Variants in PCDHA1 observed in about 807,000 individuals in gnomAD.
The protein encoded by PCDHA1 is protocadherin alpha 1, also known as protocadherin alpha-1.
In PCDHA1, 42 loss-of-function variants were observed where a neutral mutation model predicts 61.3. That is an observed-to-expected ratio of 0.69 (90% CI 0.54 to 0.89). The LOEUF is 0.89. Among genes scored for constraint, PCDHA1 ranks in the 40% least tolerant of loss-of-function variants. The pLI, the probability that PCDHA1 is intolerant of heterozygous loss-of-function variation, is 0.00. For synonymous variants in PCDHA1, 610 were observed against 553.8 expected (o/e 1.10, Z -1.43); for missense variants, 1,256 against 1,235.3 (o/e 1.02, Z -0.25).
intron 1 of PCDHA1, among the ~76,000 whole-genome samples, chr5:140,918,108 A>G (rs1283760333): frequency 2.6e-5 from 4 of 152,166 alleles, no homozygotes; most frequent in Non-Finnish European, 5.9e-5. Context: ...GATCTTTCAC[A>G]TCCTTGATTA....
intron 1 of PCDHA1, chr5:140,857,969 T>A: frequency 6.3e-7 from 1 of 1,596,804 alleles, no homozygotes; most frequent in Non-Finnish European, 8.6e-7. Context: ...TGAGACTGAC[T>A]CGCCACGCCA....
chr5:140,799,254 G>A (rs1762407193), intron 1 of PCDHA1, among the ~76,000 whole-genome samples: 1 of 151,980 alleles, frequency 6.6e-6, no homozygotes, highest in South Asian at 2.1e-4. Flanking sequence ...TAATCAGTAT[G>A]GAGTCTACTC....
intron 1 of PCDHA1, chr5:140,828,073 A>T: frequency 2.6e-6 from 4 of 1,567,184 alleles, no homozygotes; most frequent in Non-Finnish European, 3.5e-6. Context: ...TAATGGAAAT[A>T]AAACCAGAGG....
At position 140,884,782 on chromosome 5, in the gene PCDHA1, A is replaced by T. The variant is rs2060354278; in HGVS notation, c.2395-94167A>T. ...TCTTTACTTTAATTTTAATTTTGCTAGTTGTTATCGAATTTAACAACTCTG... is the reference window on the plus strand; with the variant it reads ...TCTTTACTTTAATTTTAATTTTGCTTGTTGTTATCGAATTTAACAACTCTG... On this transcript the variant is annotated intron_variant, in intron 1 of 3. Coordinates refer to ENST00000504120, the MANE Select transcript of PCDHA1 (RefSeq NM_018900.4). 8 of 1,395,472 alleles carry T rather than the reference A, an allele frequency of 5.7e-6. 1 individual carries two copies. The highest frequency in any genetic ancestry group is 3.3e-5 in the South Asian group (2 of 60,762). 86.4% of individuals were successfully genotyped at this position (1,395,472 alleles called of 1,614,324 possible). A position where few individuals can be genotyped will look rare whatever the true frequency, so the allele number is the denominator to read the frequency against.
chr5:140,822,724 A>G (rs1767410932), intron 1 of PCDHA1: 1 of 1,612,750 alleles, frequency 6.2e-7, no homozygotes, highest in Non-Finnish European at 8.5e-7. Flanking sequence ...CTCATATGAA[A>G]TTAATATTGA....
At chr5:140,856,737 T>C (rs369958206) in intron 1 of PCDHA1, 7 of 1,595,910 alleles carry the variant, frequency 4.4e-6, no homozygotes, top group African/African-American at 1.3e-5. Context: ...CTGCTGATCC[T>C]GGTGTTAGAT....
intron 1 of PCDHA1, chr5:140,875,968 T>C (rs1554168125): frequency 2.5e-6 from 4 of 1,614,024 alleles, no homozygotes; most frequent in Non-Finnish European, 3.4e-6. Flanking sequence ...CGGCGTAAAC[T>C]CTCTTTTGAC....
At chr5:140,848,371 A>C in intron 1 of PCDHA1, 2 of 1,131,148 alleles carry the variant, frequency 1.8e-6, no homozygotes, top group South Asian at 3.0e-5. Context: ...AAAGAGGCTC[A>C]ATTCTTTTTC....
chr5:141,004,037 G>A (rs946974688), intron 3 of PCDHA1, among the ~76,000 whole-genome samples: 1 of 152,200 alleles, frequency 6.6e-6, no homozygotes, highest in African/African-American at 2.4e-5. Flanking sequence ...TTCCTTGATT[G>A]ATCATTTGCT....
chr5:140,915,684 G>T (rs576904848), intron 1 of PCDHA1, among the ~76,000 whole-genome samples: 5 of 151,572 alleles, frequency 3.3e-5, no homozygotes, highest in South Asian at 4.2e-4. Context: ...TGAACTAGGG[G>T]TATGGTGATG....
At chr5:140,884,166 C>A in intron 1 of PCDHA1, 1 of 1,613,430 alleles carries the variant, frequency 6.2e-7, no homozygotes, top group Non-Finnish European at 8.5e-7. Context: ...GAGATCAGCA[C>A]GACGCGCCCT....
At chr5:140,860,793 A>G (rs1012928413) in intron 1 of PCDHA1, 3 of 152,166 alleles carry the variant, frequency 2.0e-5, no homozygotes, top group Non-Finnish European at 4.4e-5. Context: ...GCTGGAGTGC[A>G]GTGGCACGAT....
intron 1 of PCDHA1, chr5:140,829,740 C>G: frequency 6.2e-7 from 1 of 1,613,670 alleles, no homozygotes; most frequent in Non-Finnish European, 8.5e-7. Context: ...AGCAACGTGA[C>G]GCTGCAGGTG....
At chr5:140,808,045 G>A (rs150161354) in intron 1 of PCDHA1, 13 of 1,613,670 alleles carry the variant, frequency 8.1e-6, no homozygotes, top group African/African-American at 2.7e-5. Flanking sequence ...ATGATATTTC[G>A]CCAAATGTGA....
intron 1 of PCDHA1, chr5:140,795,928 G>T: frequency 1.2e-6 from 2 of 1,613,978 alleles, no homozygotes; most frequent in Non-Finnish European, 1.7e-6. Flanking sequence ...TCAGGTCACT[G>T]CAACTGACAA....
intron 1 of PCDHA1, chr5:140,883,991 G>C: frequency 6.2e-7 from 1 of 1,612,972 alleles, no homozygotes; most frequent in South Asian, 1.1e-5. Flanking sequence ...CAGCGCGGGA[G>C]GCACAGTGAG....
Position 140,787,328 on chromosome 5 carries a change from T to G in PCDHA1, c.1038T>G (p.Asn346Lys). 6.2e-7 allele frequency: 1 copy of G among 1,614,192 alleles called. No homozygotes were observed. The highest frequency in any genetic ancestry group is 8.5e-7 in the Non-Finnish European group (1 of 1,180,010). The change falls in exon 1 of 4, where the codon AAT becomes AAG. Residue 346 changes from asparagine (N) to lysine (K), a missense_variant. Asn to Lys is a moderately conservative substitution (Grantham distance 94, BLOSUM62 0). Transcript: ENST00000504120. ...VLVKVLDVND[N>K]APELAVTSLY... is the part of the protein sequence containing the mutation. ...TGAAAGTGCTGGATGTAAATGATAA[T>G]GCTCCAGAACTGGCGGTCACTTCAT... is the stretch of plus-strand genomic sequence containing the variant.
intron 1 of PCDHA1, among the ~76,000 whole-genome samples, chr5:140,789,803 G>A (rs797024147): frequency 6.6e-6 from 1 of 152,120 alleles, no homozygotes. Flanking sequence ...GCTGAGGCTC[G>A]CAAAACCTAA....
chr5:140,883,065 C>T, intron 1 of PCDHA1: 1 of 1,614,056 alleles, frequency 6.2e-7, no homozygotes, highest in Non-Finnish European at 8.5e-7. Flanking sequence ...AAGCTAAATG[C>T]CACAGATCCT....
Sources: gnomAD v4.1 joint callset for allele counts (sites outside exome capture counted in the v4.1 genomes callset) on GRCh38, gnomAD v4.1.1 for gene constraint, MANE v1.5 for transcripts, NCBI Gene and HGNC (gene_info 2026-07-23, HGNC 2026-07-21) for gene names.